The following ANKRD30A variants were observed in gnomAD, a reference collection of about 807,000 sequenced individuals.
ANKRD30A encodes ankyrin repeat domain 30A, also known as ankyrin repeat domain-containing protein 30A.
In ANKRD30A, 170 loss-of-function variants were observed where a neutral mutation model predicts 166.3. That is an observed-to-expected ratio of 1.02 (90% confidence interval 0.90 to 1.16). The LOEUF (loss-of-function observed/expected upper bound fraction) is 1.16. Ranked by LOEUF, ANKRD30A falls within the 50% of genes most tolerant of loss-of-function variation. The probability of loss-of-function intolerance (pLI) is 0.00; values close to 1 mark genes in which losing one functional copy is unlikely to be tolerated. For synonymous variants in ANKRD30A, 564 were observed against 508.9 expected, an observed-to-expected ratio of 1.11 and a Z score of -1.46; for missense variants, 1,630 against 1,518.0, an observed-to-expected ratio of 1.07 and a Z score of -1.23.
intron 27 of ANKRD30A, among the ~76,000 whole-genome samples, chr10:37,196,885 A>G (rs1300663544): frequency 6.6e-6 from 1 of 152,226 alleles, no homozygotes; most frequent in Non-Finnish European, 1.5e-5. Flanking sequence ...CTGAACTCTC[A>G]TCATAACCAT....
At chr10:37,194,036 C>T (rs1840839045) in intron 27 of ANKRD30A, among the ~76,000 whole-genome samples, 1 of 152,006 alleles carries the variant, frequency 6.6e-6, no homozygotes, top group African/African-American at 2.4e-5. Context: ...CTCTACTAAA[C>T]ATAACAAAAA....
At chr10:37,203,319 G>T (rs1255040121) in intron 31 of ANKRD30A, among the ~76,000 whole-genome samples, 1 of 152,172 alleles carries the variant, frequency 6.6e-6, no homozygotes, top group East Asian at 1.9e-4. Flanking sequence ...TGGGATGCAA[G>T]GCTGGTTCAA....
chr10:37,141,572 CAAAAAAAAAA>C lies in ANKRD30A; in HGVS notation c.821-134_821-125del, dbSNP rs909714989. 26 of 763,510 alleles carry C rather than the reference CAAAAAAAAAA, an allele frequency of 3.4e-5. No homozygotes were observed. In the Admixed American group the frequency reaches 9.0e-4, roughly 26 times the overall value. 47.3% of individuals were successfully genotyped at this position (763,510 alleles called of 1,614,324 possible). A position where few individuals can be genotyped will look rare whatever the true frequency, so the allele number is the denominator to read the frequency against. ...TGGGTGACTGAGTGAGACTCTGTCTCAAAAAAAAAAAAAAAAAAAAAGAGAAAAGAAAAGT... is the reference window on the plus strand; with the variant it reads ...TGGGTGACTGAGTGAGACTCTGTCTCAAAAAAAAAAAGAGAAAAGAAAAGT... On this transcript the variant is annotated intron_variant, in intron 6 of 35. Coordinates refer to ENST00000361713, the MANE Select transcript of ANKRD30A (RefSeq NM_052997.3).
rs535276555 is a variant in ANKRD30A, at chr10:37,198,430, TAATA to T, written c.2716+957_2716+960del. On this transcript the variant is annotated intron_variant, in intron 29 of 35. Transcript: ENST00000361713. ...ACTGCACAATTTTTATGCTGATAAGTAATAAATAAAAATGAAAACATGCAGATTT... is the reference window on the plus strand; with the variant it reads ...ACTGCACAATTTTTATGCTGATAAGTAATAAAAATGAAAACATGCAGATTT... Among the ~76,000 whole-genome samples the T allele has an allele frequency of 1.8e-4, 27 of 152,254 alleles. No homozygotes were observed. The East Asian group carries it at 5.2e-3, about 29-fold the overall frequency.
chr10:37,254,761 G>T, the ANKRD30A span, among the ~76,000 whole-genome samples: 1 of 143,464 alleles, frequency 7.0e-6, no homozygotes, highest in African/African-American at 2.6e-5. Context: ...TCAGCTCACT[G>T]CAAGCTCCGC....
At chr10:37,256,140 T>C in the ANKRD30A span, among the ~76,000 whole-genome samples, 1 of 152,186 alleles carries the variant, frequency 6.6e-6, no homozygotes, top group Non-Finnish European at 1.5e-5. Flanking sequence ...CATTCCATCA[T>C]ACCATTCTGA....
At chr10:37,183,980 C>G (rs1217513029) in intron 24 of ANKRD30A, among the ~76,000 whole-genome samples, 6 of 151,610 alleles carry the variant, frequency 4.0e-5, no homozygotes, top group Non-Finnish European at 8.9e-5. Context: ...AACCCTGTCT[C>G]TACTAAAAAT....
Position 37,142,134 on chromosome 10 carries a change from A to G in ANKRD30A, c.1237A>G (p.Arg413Gly), listed in dbSNP as rs1392668906. Reference protein sequence around the residue: ...SEKFTWAAKGRPRKIAWEKKE... With the variant: ...SEKFTWAAKGGPRKIAWEKKE... ...GAAATTTACGTGGGCAGCAAAAGGA[A>G]GACCTAGGAAGATCGCATGGGAGAA... Residue 413 changes from arginine to glycine, a missense_variant, in exon 7 of 36, where the codon AGA becomes GGA. By Grantham distance (125) the Arg-to-Gly change is moderately radical. This residue lies in a region of ANKRD30A where 904 missense variants were observed against 818.5 expected (regional missense o/e 1.10). Coordinates refer to ENST00000361713, the MANE Select transcript of ANKRD30A (RefSeq NM_052997.3). 1 of 1,613,942 alleles carries G rather than the reference A, an allele frequency of 6.2e-7. No individual in the cohort carries two copies. Among genetic ancestry groups the G allele is most frequent in the Non-Finnish European group, 8.5e-7 (1 of 1,180,020 alleles).
chr10:37,156,897 A>G (rs760444989), intron 13 of ANKRD30A, among the ~76,000 whole-genome samples: 4 of 152,200 alleles, frequency 2.6e-5, no homozygotes, highest in Non-Finnish European at 5.9e-5. Flanking sequence ...CATACATGCA[A>G]TATGGTCATG....
chr10:37,216,680 T>C (rs1842622426), intron 32 of ANKRD30A, among the ~76,000 whole-genome samples: 1 of 151,336 alleles, frequency 6.6e-6, no homozygotes. Flanking sequence ...TTTTTAACTT[T>C]CTGTATTATA....
At chr10:37,206,681 C>T (rs1255252038) in intron 31 of ANKRD30A, among the ~76,000 whole-genome samples, 1 of 152,044 alleles carries the variant, frequency 6.6e-6, no homozygotes, top group Non-Finnish European at 1.5e-5. Context: ...GTAAACCCAG[C>T]TACTCAGGAG....
chr10:37,126,609 T>C (rs1836034788), intron 1 of ANKRD30A, among the ~76,000 whole-genome samples: 1 of 152,198 alleles, frequency 6.6e-6, no homozygotes, highest in African/African-American at 2.4e-5. Context: ...TCTTTATCAG[T>C]TTTACATAAA....
intron 31 of ANKRD30A, among the ~76,000 whole-genome samples, chr10:37,205,323 A>G (rs538558055): frequency 1.3e-5 from 2 of 152,264 alleles, no homozygotes; most frequent in African/African-American, 4.8e-5. Flanking sequence ...GCTGGAAACC[A>G]TCATTCTGAG....
In ANKRD30A at chr10:37,171,999, G is replaced by T. The variant is rs773103891; in HGVS notation, c.2258-1713G>T. Among the ~76,000 whole-genome samples, 6 of 145,932 alleles carry T rather than the reference G, an allele frequency of 4.1e-5. 1 individual carries two copies. Among genetic ancestry groups the T allele is most frequent in the Non-Finnish European group, 9.1e-5 (6 of 65,686 alleles). On this transcript the variant is annotated intron_variant, in intron 21 of 35. Transcript: ENST00000361713. ...TATTTAAAGTATACCTAATATAGTT[G>T]TCAACCACATTACTTTAGAAAACAT...
Position 37,217,781 on chromosome 10 carries a change from A to C in ANKRD30A, c.3170A>C (p.Glu1057Ala). ...KIREELGRIEEQHRKELEVKQ... is the reference protein window; with the variant it reads ...KIREELGRIEAQHRKELEVKQ... ...AGGGAAGAATTAGGAAGAATCGAAG[A>C]GCAGCATAGGAAAGAGTTAGAAGTG... Residue 1057 changes from glutamate (E) to alanine (A), a missense_variant, in exon 33 of 36, where the codon GAG becomes GCG. This residue lies in a region of ANKRD30A where 712 missense variants were observed against 629.3 expected (regional missense o/e 1.13). Transcript: ENST00000361713. The C allele has an allele frequency of 6.3e-7, 1 of 1,599,546 alleles. No homozygotes were observed. Among genetic ancestry groups the C allele is most frequent in the East Asian group, 2.3e-5 (1 of 44,054 alleles).
intron 9 of ANKRD30A, among the ~76,000 whole-genome samples, chr10:37,148,164 G>A (rs1476699516): frequency 6.6e-6 from 1 of 152,044 alleles, no homozygotes. Flanking sequence ...AAGTTCTCAG[G>A]CGATGCTGAT....
intron 34 of ANKRD30A, 105 bp from the exon 35 acceptor site, chr10:37,231,356 T>C: frequency 2.3e-6 from 2 of 862,464 alleles, no homozygotes; most frequent in Non-Finnish European, 3.4e-6. Flanking sequence ...TAATGGGAAA[T>C]GTTATTTATT....
rs190228201 is a variant in ANKRD30A at position 37,195,834 on chromosome 10, G to C, written c.2615-1447G>C. Among the ~76,000 whole-genome samples, 33 of 152,158 alleles carry C rather than the reference G, an allele frequency of 2.2e-4. 1 individual carries two copies. In the East Asian group the frequency reaches 6.2e-3, roughly 29 times the overall value. On this transcript the variant is annotated intron_variant, in intron 27 of 35. Coordinates refer to ENST00000361713, the MANE Select transcript of ANKRD30A (RefSeq NM_052997.3). Reference sequence around the variant, plus strand: ...TGGAGCTTGCTCTGAGTTGCAAAAGGAGAGGCCTTTGATGGGAAAAATTGG... The same window carrying C: ...TGGAGCTTGCTCTGAGTTGCAAAAGCAGAGGCCTTTGATGGGAAAAATTGG...
the ANKRD30A span, among the ~76,000 whole-genome samples, chr10:37,255,701 A>G: frequency 7.9e-5 from 12 of 152,354 alleles, no homozygotes; most frequent in Non-Finnish European, 1.5e-4. Flanking sequence ...ATTAATTTAA[A>G]TGTAAACAAC....
Sources: gnomAD v4.1 joint callset for allele counts (sites outside exome capture counted in the v4.1 genomes callset) on GRCh38, gnomAD v4.1.1 for gene constraint, gnomAD v4.1.1 regional missense constraint, MANE v1.5 for transcripts, NCBI Gene and HGNC (gene_info 2026-07-23, HGNC 2026-07-21) for gene names.